The following MIB1 variants were observed in gnomAD, a reference collection of about 807,000 sequenced individuals.
MIB1 encodes MIB E3 ubiquitin protein ligase 1, also known as E3 ubiquitin-protein ligase MIB1.
MIB1 carries 278 observed loss-of-function variants against 124.5 expected under a neutral mutation model. That is an observed-to-expected ratio of 2.23 (90% CI 2.02 to 2.47). The LOEUF is 2.47. Among genes scored for constraint, MIB1 ranks in the 30% most tolerant of loss-of-function variants. The pLI is 0.00. For synonymous variants in MIB1, 446 were observed against 429.4 expected, an observed-to-expected ratio of 1.04 and a Z score of -0.48; for missense variants, 957 against 1,254.4, an observed-to-expected ratio of 0.76 and a Z score of 3.58.
chr18:21,789,631 A>G (rs556682025), intron 6 of MIB1, among the ~76,000 whole-genome samples: 2 of 152,224 alleles, frequency 1.3e-5, no homozygotes, highest in Admixed American at 6.5e-5. Flanking sequence ...AGGCTGGCCA[A>G]CGTAGCGAAA....
intron 1 of MIB1, among the ~76,000 whole-genome samples, chr18:21,708,481 G>T (rs747084391): frequency 1.3e-5 from 2 of 152,032 alleles, no homozygotes; most frequent in Admixed American, 6.6e-5. Context: ...TCGTGAAACC[G>T]CATCTCTCCT....
intron 11 of MIB1, among the ~76,000 whole-genome samples, chr18:21,818,137 A>C (rs1003938278): frequency 8.5e-5 from 13 of 152,220 alleles, no homozygotes; most frequent in African/African-American, 2.9e-4. Context: ...GAAAACGCTT[A>C]GATTAATGTT....
intron 12 of MIB1, among the ~76,000 whole-genome samples, chr18:21,833,974 G>A (rs45594134): frequency 3.0e-4 from 45 of 152,164 alleles, no homozygotes; most frequent in Non-Finnish European, 5.1e-4. Context: ...TGCTCCACAG[G>A]TGAGACAGTC....
At position 21,724,730 on chromosome 18, in the gene MIB1, ATATATATATATATATAT is replaced by A. The variant is rs1568176752; in HGVS notation, n.167+19608_167+19624del. On this transcript the variant is annotated intron_variant and non_coding_transcript_variant, in intron 1 of 20. Coordinates refer to the MIB1 transcript ENST00000578646. Reference sequence around the variant, plus strand: ...CCCCATCCAAAAAAAAAAAAAAAATATATATATATATATATATATATATATATATATATATATATATA... The same window carrying A: ...CCCCATCCAAAAAAAAAAAAAAAATAATATATATATATATATATATATATA... Among the ~76,000 whole-genome samples, 24 of 41,392 alleles carry A rather than the reference ATATATATATATATATAT, an allele frequency of 5.8e-4. 2 individuals are homozygous for A. Among genetic ancestry groups the A allele is most frequent in the Middle Eastern group, 0.012 (1 of 84 alleles). The allele number at this position is 41,392 out of a possible 152,430, so 27.2% of individuals were successfully genotyped here. A position where few individuals can be genotyped will look rare whatever the true frequency, so the allele number is the denominator to read the frequency against.
intron 1 of MIB1, among the ~76,000 whole-genome samples, chr18:21,721,442 A>G (rs1598579878): frequency 6.6e-6 from 1 of 151,918 alleles, no homozygotes; most frequent in Non-Finnish European, 1.5e-5. Flanking sequence ...CAGCCTCCCA[A>G]AGTTTTGGGA....
At chr18:21,772,792 C>T (rs947553431) in intron 3 of MIB1, among the ~76,000 whole-genome samples, 2 of 152,112 alleles carry the variant, frequency 1.3e-5, no homozygotes, top group Non-Finnish European at 2.9e-5. Flanking sequence ...AGGTGGCCTG[C>T]AACTGCGGGA....
At chr18:21,706,413 C>T (rs8085715) in intron 1 of MIB1, among the ~76,000 whole-genome samples, 13,665 of 152,238 alleles carry the variant, frequency 0.09, 2,025 homozygotes, top group African/African-American at 0.31. Context: ...CCACTCTGGC[C>T]GCGTTTGAGG....
At chr18:21,807,964 C>T (rs921986354) in intron 10 of MIB1, among the ~76,000 whole-genome samples, 1 of 152,072 alleles carries the variant, frequency 6.6e-6, no homozygotes, top group African/African-American at 2.4e-5. Flanking sequence ...CCTCCCATTC[C>T]CCCTACTGAA....
intron 10 of MIB1, among the ~76,000 whole-genome samples, chr18:21,809,699 A>G (rs1236785157): frequency 6.6e-6 from 1 of 152,140 alleles, no homozygotes; most frequent in Non-Finnish European, 1.5e-5. Context: ...ACATAATTTA[A>G]CACCCTTTCA....
intron 13 of MIB1, among the ~76,000 whole-genome samples, chr18:21,840,665 A>ATTTTTT (rs375520508): frequency 4.2e-3 from 13 of 3,128 alleles, no homozygotes; most frequent in Admixed American, 5.7e-3. Flanking sequence ...ATATATATAT[A>ATTTTTT]TTTTTTTTTT....
At chr18:21,774,004 T>A (rs1480820509) in intron 4 of MIB1, among the ~76,000 whole-genome samples, 1 of 152,228 alleles carries the variant, frequency 6.6e-6, no homozygotes, top group Non-Finnish European at 1.5e-5. Context: ...GAATCATCTG[T>A]AAGACCATTC....
At chr18:21,778,009 T>G in intron 4 of MIB1, 94 bp from the exon 5 acceptor site, 1 of 821,108 alleles carries the variant, frequency 1.2e-6, no homozygotes, top group Non-Finnish European at 2.1e-6. Context: ...ATTTCTGTTT[T>G]GGGTATGTTC....
chr18:21,769,517 GC>G (rs1009782185), intron 3 of MIB1, among the ~76,000 whole-genome samples: 24 of 152,282 alleles, frequency 1.6e-4, no homozygotes, highest in African/African-American at 5.5e-4. Flanking sequence ...TCCTGGAAGC[GC>G]CCTTTGAAGC....
rs375597323 is a variant in MIB1 at position 21,819,647 on chromosome 18, G to A, written c.1829+1G>A. ...ATGCTGCACTAAGGGGAAATCCCAG[G>A]TATGTCACCCCTTACTATTTTAGGT... On this transcript the variant is annotated splice_donor_variant, in intron 12 of 20. Coordinates refer to ENST00000261537, the MANE Select transcript of MIB1 (RefSeq NM_020774.4). LOFTEE classifies it high-confidence loss of function. The A allele has an allele frequency of 2.6e-6, 4 of 1,524,156 alleles. No homozygotes were observed. The highest frequency in any genetic ancestry group is 3.5e-6 in the Non-Finnish European group (4 of 1,132,288). 94.4% of individuals were successfully genotyped at this position (1,524,156 alleles called of 1,614,324 possible).
At chr18:21,853,018 T>G in intron 17 of MIB1, 122 bp from the exon 18 acceptor site, 1 of 656,006 alleles carries the variant, frequency 1.5e-6, no homozygotes, top group Middle Eastern at 2.6e-4. Context: ...AAGTGTGTGT[T>G]AAATTTCTCT....
chr18:21,778,987 A>C (rs1459412353), intron 5 of MIB1, among the ~76,000 whole-genome samples: 2 of 152,134 alleles, frequency 1.3e-5, no homozygotes, highest in Non-Finnish European at 2.9e-5. Flanking sequence ...GCTTTTGAAA[A>C]TAATCTAGGG....
At chr18:21,804,781 G>A (rs1370367204) in intron 10 of MIB1, among the ~76,000 whole-genome samples, 1 of 152,152 alleles carries the variant, frequency 6.6e-6, no homozygotes, top group African/African-American at 2.4e-5. Context: ...GACTTGAATT[G>A]CTGAGGGCTA....
chr18:21,861,175 A>T (rs1015880081), intron 20 of MIB1, among the ~76,000 whole-genome samples: 1 of 152,206 alleles, frequency 6.6e-6, no homozygotes, highest in African/African-American at 2.4e-5. Context: ...TTATAGAATG[A>T]ATAAGTGAAG....
intron 4 of MIB1, among the ~76,000 whole-genome samples, chr18:21,776,028 A>T (rs2041280876): frequency 6.6e-6 from 1 of 152,140 alleles, no homozygotes; most frequent in African/African-American, 2.4e-5. Context: ...GCACCATGGG[A>T]GGCTAAAGCA....
Sources: gnomAD v4.1 joint callset for allele counts (sites outside exome capture counted in the v4.1 genomes callset) on GRCh38, gnomAD v4.1.1 for gene constraint, MANE v1.5 for transcripts, NCBI Gene and HGNC (gene_info 2026-07-23, HGNC 2026-07-21) for gene names.